The following MLLT3 variants were observed in gnomAD, a reference collection of about 807,000 sequenced individuals.
MLLT3 encodes the protein MLLT3 super elongation complex subunit, also known as protein AF-9.
A neutral mutation model predicts 53.2 loss-of-function variants in MLLT3; 4 were observed. The ratio of observed to expected loss-of-function variants is 0.08; its 90% confidence interval spans 0.04 to 0.17. MLLT3 has a LOEUF of 0.17. MLLT3 is among the 10% of genes least tolerant of loss of function. The pLI, the probability that MLLT3 is intolerant of heterozygous loss-of-function variation, is 1.00. For missense variants in MLLT3, 569 were observed against 684.0 expected (o/e 0.83, Z 1.87); for synonymous variants, 283 against 230.6 (o/e 1.23, Z -2.06).
chr9:20,422,011 G>T (rs1278887620), intron 4 of MLLT3, among the ~76,000 whole-genome samples: 1 of 152,092 alleles, frequency 6.6e-6, no homozygotes, highest in South Asian at 2.1e-4. Flanking sequence ...GGATTAATGT[G>T]TTTTAAAGAA....
At chr9:20,542,505 C>G (rs1011402300) in intron 2 of MLLT3, among the ~76,000 whole-genome samples, 2 of 152,146 alleles carry the variant, frequency 1.3e-5, no homozygotes, top group Non-Finnish European at 2.9e-5. Context: ...CCGCCTCGGC[C>G]TCCCAAAGTG....
chr9:20,552,691 T>C (rs1406695066), intron 2 of MLLT3, among the ~76,000 whole-genome samples: 2 of 152,188 alleles, frequency 1.3e-5, no homozygotes, highest in Non-Finnish European at 2.9e-5. Flanking sequence ...TCCCAAGTAA[T>C]ACATTCATGT....
chr9:20,411,899 G>A (rs1307808483), intron 5 of MLLT3: 2 of 151,948 alleles, frequency 1.3e-5, no homozygotes, highest in East Asian at 1.9e-4. Context: ...CTCATAAATC[G>A]GCAAACATTC....
chr9:20,360,937 T>A, intron 7 of MLLT3, 96 bp from the exon 8 acceptor site: 1 of 1,047,254 alleles, frequency 9.5e-7, no homozygotes, highest in Non-Finnish European at 1.5e-6. Context: ...ATCCAAACAC[T>A]AACCCTTGAC....
chr9:20,393,513 T>C (rs998563982), intron 5 of MLLT3, among the ~76,000 whole-genome samples: 15 of 152,218 alleles, frequency 9.9e-5, no homozygotes, highest in African/African-American at 3.6e-4. Context: ...ACAGTAGACC[T>C]TGCTATAAAG....
intron 2 of MLLT3, among the ~76,000 whole-genome samples, chr9:20,569,248 A>G (rs1819463067): frequency 6.6e-6 from 1 of 152,116 alleles, no homozygotes; most frequent in Non-Finnish European, 1.5e-5. Context: ...CATACACACT[A>G]AAGGAACTCT....
At chr9:20,622,152 C>A in intron 1 of MLLT3, 93 bp downstream of exon 1, 8 of 1,390,298 alleles carry the variant, frequency 5.8e-6, no homozygotes, top group South Asian at 1.2e-5. Context: ...CTAATTGGAA[C>A]CGCGGAGCGC....
rs571940687 is a variant in MLLT3 at position 20,422,529 on chromosome 9, G to A, written c.421-8104C>T. ...TAAGTCTGGATTTTGCACTAATGAC[G>A]AAAGATACAGCAATCATCCTAACAG... On this transcript the variant is annotated intron_variant, in intron 4 of 10. Coordinates refer to ENST00000380338, the MANE Select transcript of MLLT3 (RefSeq NM_004529.4). Among the ~76,000 whole-genome samples, 5 of 152,210 alleles carry A rather than the reference G, an allele frequency of 3.3e-5. No individual in the cohort carries two copies. In the South Asian group the frequency reaches 1.0e-3, roughly 32 times the overall value.
chr9:20,582,037 A>T (rs758853286), intron 2 of MLLT3, among the ~76,000 whole-genome samples: 29 of 152,180 alleles, frequency 1.9e-4, no homozygotes, highest in Non-Finnish European at 3.7e-4. Context: ...AGGTGAATCC[A>T]AAATACTCTT....
At chr9:20,565,949 TA>T (rs1819351874) in intron 2 of MLLT3, among the ~76,000 whole-genome samples, 2 of 7,910 alleles carry the variant, frequency 2.5e-4, no homozygotes, top group African/African-American at 7.1e-4. Flanking sequence ...TATATATATA[TA>T]TATTTATATA....
In MLLT3 at chr9:20,345,230, G is replaced by C. The variant is rs368894158; in HGVS notation, c.*1213C>G. The C allele has an allele frequency of 1.0e-4, 23 of 222,982 alleles. No homozygotes were observed. In the East Asian group the frequency reaches 1.4e-3, roughly 13 times the overall value. 13.8% of individuals were successfully genotyped at this position (222,982 alleles called of 1,614,324 possible). ...ATTAGCAAGCAACTAAACAGGTATT[G>C]AACCACTGAATCTACAAGTTAATAC... On this transcript the variant is annotated 3_prime_UTR_variant, in exon 11 of 11. Transcript: ENST00000380338.
intron 5 of MLLT3, among the ~76,000 whole-genome samples, chr9:20,398,411 T>C (rs1233402800): frequency 6.6e-6 from 1 of 152,166 alleles, no homozygotes; most frequent in African/African-American, 2.4e-5. Flanking sequence ...GTTACTCAGA[T>C]GTGATGGTTT....
intron 5 of MLLT3, among the ~76,000 whole-genome samples, chr9:20,392,053 C>G (rs1822198203): frequency 1.3e-5 from 2 of 152,130 alleles, no homozygotes; most frequent in South Asian, 4.1e-4. Context: ...CTCACCTTGT[C>G]GGTAAGCGGG....
intron 2 of MLLT3, among the ~76,000 whole-genome samples, chr9:20,511,872 C>T (rs746001818): frequency 2.6e-5 from 4 of 152,000 alleles, no homozygotes; most frequent in Non-Finnish European, 4.4e-5. Context: ...CAACAGTAGC[C>T]ACAGCAGACA....
At chr9:20,591,382 A>G (rs1820126244) in intron 2 of MLLT3, among the ~76,000 whole-genome samples, 1 of 152,162 alleles carries the variant, frequency 6.6e-6, no homozygotes, top group African/African-American at 2.4e-5. Flanking sequence ...AGCATTTTTA[A>G]CAAAATATGA....
chr9:20,452,530 G>C (rs1164754280), intron 3 of MLLT3, among the ~76,000 whole-genome samples: 1 of 152,020 alleles, frequency 6.6e-6, no homozygotes, highest in Non-Finnish European at 1.5e-5. Context: ...ATAACAATGT[G>C]AGAAGGGACT....
At chr9:20,554,958 T>C (rs1819017423) in intron 2 of MLLT3, among the ~76,000 whole-genome samples, 1 of 152,234 alleles carries the variant, frequency 6.6e-6, no homozygotes. Flanking sequence ...GGAAAGAGAA[T>C]TTAAGTCTGT....
chr9:20,492,291 C>A (rs1398337731), intron 2 of MLLT3, among the ~76,000 whole-genome samples: 2 of 151,730 alleles, frequency 1.3e-5, no homozygotes, highest in African/African-American at 4.8e-5. Context: ...ATGAAGGTAC[C>A]AAGATCCTTT....
At chr9:20,493,490 A>G (rs937409181) in intron 2 of MLLT3, among the ~76,000 whole-genome samples, 3 of 152,044 alleles carry the variant, frequency 2.0e-5, no homozygotes, top group East Asian at 1.9e-4. Context: ...AAGGTTTCCT[A>G]TAAGAATGTA....
Sources: allele counts gnomAD v4.1 joint callset (sites outside exome capture counted in the v4.1 genomes callset), GRCh38; gene constraint gnomAD v4.1.1; transcripts MANE v1.5; gene names NCBI Gene and HGNC (gene_info 2026-07-23, HGNC 2026-07-21).